The following EFNA5 variants were observed in gnomAD, a reference collection of about 807,000 sequenced individuals.
EFNA5 encodes the protein ephrin A5, also known as ephrin-A5.
Under a neutral mutation model 22.9 loss-of-function variants are expected in EFNA5, and 5 were observed. That is an observed-to-expected ratio of 0.22 (90% confidence interval 0.11 to 0.46). EFNA5 has a LOEUF of 0.46. Ranked by LOEUF, EFNA5 falls within the 20% of genes least tolerant of loss-of-function variation. The probability of loss-of-function intolerance (pLI) is 0.99; values close to 1 mark genes in which losing one functional copy is unlikely to be tolerated. For synonymous variants in EFNA5, 113 were observed against 112.2 expected, an observed-to-expected ratio of 1.01 and a Z score of -0.04; for missense variants, 237 against 293.3, an observed-to-expected ratio of 0.81 and a Z score of 1.40.
At chr5:107,421,605 AAT>A (rs1490077284) in intron 2 of EFNA5, among the ~76,000 whole-genome samples, 2 of 152,186 alleles carry the variant, frequency 1.3e-5, no homozygotes, top group African/African-American at 4.8e-5. Context: ...AAAATGCAGA[AAT>A]ATGTTTAAAA....
At chr5:107,468,744 T>C (rs1750060243) in intron 1 of EFNA5, among the ~76,000 whole-genome samples, 1 of 152,162 alleles carries the variant, frequency 6.6e-6, no homozygotes, top group South Asian at 2.1e-4. Context: ...TTGTGTTTTC[T>C]TAACAAGGAC....
At chr5:107,638,773 T>C (rs1433644642) in intron 1 of EFNA5, among the ~76,000 whole-genome samples, 1 of 152,130 alleles carries the variant, frequency 6.6e-6, no homozygotes, top group Non-Finnish European at 1.5e-5. Context: ...GGGATGAATG[T>C]ACTTCAAAAT....
chr5:107,602,892 G>A (rs1265896712), intron 1 of EFNA5, among the ~76,000 whole-genome samples: 1 of 152,168 alleles, frequency 6.6e-6, no homozygotes, highest in Non-Finnish European at 1.5e-5. Flanking sequence ...CATGGGCTTT[G>A]GGATAAAAAG....
At chr5:107,582,787 T>G (rs894418294) in intron 1 of EFNA5, among the ~76,000 whole-genome samples, 1 of 152,160 alleles carries the variant, frequency 6.6e-6, no homozygotes, top group Non-Finnish European at 1.5e-5. Flanking sequence ...ACTCTCTTTT[T>G]TCCCTTTTTC....
intron 1 of EFNA5, among the ~76,000 whole-genome samples, chr5:107,544,123 G>C (rs1748101124): frequency 6.6e-6 from 1 of 152,172 alleles, no homozygotes; most frequent in Non-Finnish European, 1.5e-5. Flanking sequence ...CCCCTGGTGG[G>C]AGGGAGATTT....
chr5:107,506,712 A>G (rs1439733583), intron 1 of EFNA5, among the ~76,000 whole-genome samples: 2 of 152,202 alleles, frequency 1.3e-5, no homozygotes, highest in Non-Finnish European at 2.9e-5. Context: ...TGATCAGAAG[A>G]GCAAGGCAGG....
At chr5:107,632,899 C>T (rs748883333) in intron 1 of EFNA5, among the ~76,000 whole-genome samples, 6 of 152,182 alleles carry the variant, frequency 3.9e-5, no homozygotes, top group Non-Finnish European at 8.8e-5. Flanking sequence ...TTTGAAATAA[C>T]TCCACCAAGA....
intron 1 of EFNA5, among the ~76,000 whole-genome samples, chr5:107,585,116 A>G (rs1315413449): frequency 6.6e-6 from 1 of 152,198 alleles, no homozygotes; most frequent in Admixed American, 6.5e-5. Context: ...CTGGGAATAA[A>G]TCCCTTCCAT....
chr5:107,430,659 G>C (rs910751212), intron 1 of EFNA5, among the ~76,000 whole-genome samples: 4 of 151,924 alleles, frequency 2.6e-5, no homozygotes, highest in South Asian at 2.1e-4. Flanking sequence ...ATTCTACTTT[G>C]TGTTGACCAG....
chr5:107,472,109 T>C (rs887217646), intron 1 of EFNA5, among the ~76,000 whole-genome samples: 2 of 152,168 alleles, frequency 1.3e-5, no homozygotes, highest in African/African-American at 2.4e-5. Context: ...GATTGAATAA[T>C]TTATTATTCC....
At chr5:107,575,130 C>T (rs1748900653) in intron 1 of EFNA5, among the ~76,000 whole-genome samples, 1 of 152,140 alleles carries the variant, frequency 6.6e-6, no homozygotes, top group Admixed American at 6.5e-5. Flanking sequence ...TTTCTTTGGT[C>T]CTGTTCTGAG....
chr5:107,650,050 A>G (rs1230725318), intron 1 of EFNA5, among the ~76,000 whole-genome samples: 1 of 152,180 alleles, frequency 6.6e-6, no homozygotes, highest in Non-Finnish European at 1.5e-5. Context: ...CAAGAATCTT[A>G]GAATCTAGTA....
intron 2 of EFNA5, among the ~76,000 whole-genome samples, chr5:107,410,265 T>C (rs945715996): frequency 7.9e-5 from 12 of 152,022 alleles, no homozygotes; most frequent in African/African-American, 2.7e-4. Flanking sequence ...CTCCTGATCT[T>C]GTGATCTGCC....
intron 1 of EFNA5, among the ~76,000 whole-genome samples, chr5:107,612,985 A>C (rs1045150598): frequency 2.0e-5 from 3 of 152,312 alleles, no homozygotes; most frequent in Admixed American, 1.3e-4. Flanking sequence ...CTTTGGCAAA[A>C]GCCAAAAAAA....
At chr5:107,612,652 CAG>C (rs1749840080) in intron 1 of EFNA5, among the ~76,000 whole-genome samples, 1 of 152,058 alleles carries the variant, frequency 6.6e-6, no homozygotes, top group Non-Finnish European at 1.5e-5. Context: ...TAGAAGCAAA[CAG>C]AAGCATATCA....
chr5:107,449,523 C>G (rs761159536), intron 1 of EFNA5, among the ~76,000 whole-genome samples: 2 of 149,912 alleles, frequency 1.3e-5, no homozygotes, highest in African/African-American at 2.5e-5. Flanking sequence ...GCCCCCCCAA[C>G]TACACCTGCT....
At chr5:107,449,136 T>C (rs1205931853) in intron 1 of EFNA5, among the ~76,000 whole-genome samples, 1 of 152,148 alleles carries the variant, frequency 6.6e-6, no homozygotes, top group Non-Finnish European at 1.5e-5. Flanking sequence ...ACCACATATT[T>C]GGTGACTGAA....
chr5:107,561,559 G>A (rs1316228737), intron 1 of EFNA5, among the ~76,000 whole-genome samples: 3 of 151,964 alleles, frequency 2.0e-5, no homozygotes, highest in African/African-American at 7.3e-5. Flanking sequence ...TAGTAAAGAT[G>A]GGGTTTCACC....
chr5:107,637,316 C>A (rs1750393376), intron 1 of EFNA5, among the ~76,000 whole-genome samples: 1 of 152,152 alleles, frequency 6.6e-6, no homozygotes, highest in Non-Finnish European at 1.5e-5. Context: ...TCATTTCAAT[C>A]TATAATATTT....
Sources: allele counts gnomAD v4.1 joint callset (sites outside exome capture counted in the v4.1 genomes callset), GRCh38; gene constraint gnomAD v4.1.1; transcripts MANE v1.5; gene names NCBI Gene and HGNC (gene_info 2026-07-23, HGNC 2026-07-21).